ARPC3: variants seen among roughly 807,000 people sequenced by gnomAD.
The protein encoded by ARPC3 is actin related protein 2/3 complex subunit 3.
ARPC3 carries 12 observed loss-of-function variants against 27.6 expected under a neutral mutation model. The ratio of observed to expected loss-of-function variants is 0.43; its 90% confidence interval spans 0.28 to 0.70. ARPC3 has a LOEUF of 0.70. Ranked by LOEUF, ARPC3 falls within the 30% of genes least tolerant of loss-of-function variation. ARPC3 has a pLI of 0.17. For missense variants in ARPC3, 153 were observed against 207.7 expected, an observed-to-expected ratio of 0.74 and a Z score of 1.62; for synonymous variants, 53 against 67.2, an observed-to-expected ratio of 0.79 and a Z score of 1.03.
chr12:110,450,293 C>A lies in ARPC3; in HGVS notation c.-33G>T, dbSNP rs1438104862. On this transcript the variant is annotated 5_prime_UTR_variant, in exon 1 of 7. Coordinates refer to ENST00000228825, the MANE Select transcript of ARPC3 (RefSeq NM_001278556.2). Reference sequence around the variant, plus strand: ...GCGCCCGGGTTTCAACCCAGAGGAGCAGGATCCAGGTACAGCGGAGCGCTT... The same window carrying A: ...GCGCCCGGGTTTCAACCCAGAGGAGAAGGATCCAGGTACAGCGGAGCGCTT... 1.9e-6 allele frequency: 3 copies of A among 1,613,778 alleles called. No homozygotes were observed. The highest frequency in any genetic ancestry group is 1.3e-5 in the African/African-American group (1 of 74,936).
rs991493335 is a variant in ARPC3, at chr12:110,450,269, C to A, written c.-9G>T. 4 of 1,614,070 alleles carry A rather than the reference C, an allele frequency of 2.5e-6. No homozygotes were observed. The highest frequency in any genetic ancestry group is 2.2e-5 in the South Asian group (2 of 91,082). On this transcript the variant is annotated 5_prime_UTR_variant, in exon 1 of 7. Transcript: ENST00000228825. ...CGAACCCTCACCGGCATCTTGGCGG[C>A]GCCCGGGTTTCAACCCAGAGGAGCA... is the stretch of plus-strand genomic sequence containing the variant.
At chr12:110,449,377 C>T (rs1005545763) in intron 1 of ARPC3, among the ~76,000 whole-genome samples, 1 of 151,708 alleles carries the variant, frequency 6.6e-6, no homozygotes, top group Non-Finnish European at 1.5e-5. Context: ...GCCTGGCCAA[C>T]ATGGTGAAAC....
chr12:110,437,061 T>C, intron 4 of ARPC3, 23 bp downstream of exon 4: 1 of 1,518,792 alleles, frequency 6.6e-7, no homozygotes, highest in Non-Finnish European at 9.1e-7. Context: ...TTTCCTGATA[T>C]ACAATCATCC....
At chr12:110,447,239 GGT>G (rs1362650455) in intron 1 of ARPC3, among the ~76,000 whole-genome samples, 2 of 152,144 alleles carry the variant, frequency 1.3e-5, no homozygotes, top group East Asian at 3.8e-4. Flanking sequence ...TCAGTGGGTA[GGT>G]GTGTGTTAAA....
intron 2 of ARPC3, among the ~76,000 whole-genome samples, chr12:110,443,429 T>G (rs531358220): frequency 6.7e-6 from 1 of 149,566 alleles, no homozygotes; most frequent in East Asian, 2.0e-4. Flanking sequence ...CCACGCCCTA[T>G]TTTTTATTTA....
chr12:110,445,417 G>T, intron 2 of ARPC3, 35 bp downstream of exon 2: 2 of 1,479,866 alleles, frequency 1.4e-6, no homozygotes, highest in Non-Finnish European at 1.9e-6. Context: ...TAGGCATTTC[G>T]TACCAAAATT....
At chr12:110,448,440 G>C (rs887508053) in intron 1 of ARPC3, among the ~76,000 whole-genome samples, 3 of 151,990 alleles carry the variant, frequency 2.0e-5, no homozygotes, top group Non-Finnish European at 4.4e-5. Context: ...ACTTAGGGAG[G>C]GTGAGGCAGG....
chr12:110,435,279 A>C, intron 6 of ARPC3, 62 bp from the exon 7 acceptor site: 1 of 1,239,410 alleles, frequency 8.1e-7, no homozygotes, highest in Non-Finnish European at 1.2e-6. Context: ...ATTTGCATTT[A>C]TTTAATAATA....
chr12:110,440,322 T>C lies in ARPC3; in HGVS notation c.173A>G (p.Tyr58Cys). 1.2e-6 allele frequency: 2 copies of C among 1,603,490 alleles called. No homozygotes were observed. The highest frequency in any genetic ancestry group is 1.7e-6 in the Non-Finnish European group (2 of 1,170,534). Residue 58 changes from tyrosine to cysteine, a missense_variant, in exon 3 of 7, where the codon TAT becomes TGT. Tyr to Cys is a radical substitution (Grantham distance 194). Transcript: ENST00000228825. ...AGCTCCGTAATTTACCTTAATTTCATAGTTTTTGAAGAAGACATTGGCCTT... is the reference window on the plus strand; with the variant it reads ...AGCTCCGTAATTTACCTTAATTTCACAGTTTTTGAAGAAGACATTGGCCTT... ...YFKANVFFKN[Y>C]EIKNEADRTL...
Position 110,434,833 on chromosome 12 carries a change from A to C in ARPC3, c.*322T>G, listed in dbSNP as rs2062393266. 4.1e-6 allele frequency: 2 copies of C among 489,988 alleles called. No homozygotes were observed. The highest frequency in any genetic ancestry group is 7.6e-6 in the Non-Finnish European group (2 of 263,722). 30.4% of individuals were successfully genotyped at this position (489,988 alleles called of 1,614,324 possible). A position where few individuals can be genotyped will look rare whatever the true frequency, so the allele number is the denominator to read the frequency against. On this transcript the variant is annotated 3_prime_UTR_variant, in exon 7 of 7. Transcript: ENST00000228825. ...TGTACACTTTAAAAGGGCATTATGG[A>C]ATGTGAATTTTATCTCAAAACAAAT...
At position 110,449,773 on chromosome 12, in the gene ARPC3, G is replaced by A. The variant is rs555063132; in HGVS notation, c.6+482C>T. 5.9e-5 allele frequency among the ~76,000 whole-genome samples: 9 copies of A among 152,254 alleles called. No homozygotes were observed. The East Asian group carries it at 1.7e-3, about 29-fold the overall frequency. On this transcript the variant is annotated intron_variant, in intron 1 of 6. Transcript: ENST00000228825. ...GAAGTCAGGCGCCGAACGAGTCTGT[G>A]AGGGCCCTAAACCCAGCTGGCTCCG...
intron 1 of ARPC3, among the ~76,000 whole-genome samples, chr12:110,449,354 G>C (rs551282173): frequency 6.6e-6 from 1 of 151,792 alleles, no homozygotes; most frequent in Admixed American, 6.6e-5. Context: ...CTGAGGTCTG[G>C]AGTTCCAGAC....
At position 110,450,142 on chromosome 12, in the gene ARPC3, G is replaced by C. The variant is rs560019841; in HGVS notation, c.6+113C>G. On this transcript the variant is annotated intron_variant, in intron 1 of 6. Coordinates refer to ENST00000228825, the MANE Select transcript of ARPC3 (RefSeq NM_001278556.2). ...CCCTCCCCTCGCCTCCCTCCTTCTC[G>C]GGCCCCAGCTTCCTCTCTGCCTTCC... The C allele has an allele frequency of 5.1e-4, 748 of 1,473,848 alleles. 5 individuals carry two copies. The highest frequency in any genetic ancestry group is 1.7e-4 in the Middle Eastern group (1 of 5,828). 91.3% of individuals were successfully genotyped at this position (1,473,848 alleles called of 1,614,324 possible).
intron 1 of ARPC3, 41 bp downstream of exon 1, chr12:110,450,214 C>T: frequency 6.2e-7 from 1 of 1,613,684 alleles, no homozygotes; most frequent in Non-Finnish European, 8.5e-7. Flanking sequence ...CTGCTCTTCG[C>T]AATCCCCGCT....
Position 110,440,267 on chromosome 12 carries a change from C to T in ARPC3, c.183+45G>A, listed in dbSNP as rs377244660. The T allele has an allele frequency of 7.5e-5, 99 of 1,320,756 alleles. No individual in the cohort carries two copies. The African/African-American group carries it at 1.2e-3, about 16-fold the overall frequency. The allele number at this position is 1,320,756 out of a possible 1,614,324, so 81.8% of individuals were successfully genotyped here. ...ATCTGGATAGCAAGGTTGGTATTAT[C>T]CCTATGAGAAAACTAAGTTAAATAT... is the stretch of plus-strand genomic sequence containing the variant. On this transcript the variant is annotated intron_variant, in intron 3 of 6. Transcript: ENST00000228825.
chr12:110,434,828 T>C lies in ARPC3; in HGVS notation c.*327A>G. On this transcript the variant is annotated 3_prime_UTR_variant, in exon 7 of 7. Coordinates refer to ENST00000228825, the MANE Select transcript of ARPC3 (RefSeq NM_001278556.2). ...TGAATTGTACACTTTAAAAGGGCAT[T>C]ATGGAATGTGAATTTTATCTCAAAA... 1 of 473,632 alleles carries C rather than the reference T, an allele frequency of 2.1e-6. No homozygotes were observed. The highest frequency in any genetic ancestry group is 3.0e-5 in the Admixed American group (1 of 33,762). The allele number at this position is 473,632 out of a possible 1,614,324, so 29.3% of individuals were successfully genotyped here.
intron 1 of ARPC3, among the ~76,000 whole-genome samples, chr12:110,448,045 A>ATTTAT (rs1291340237): frequency 6.6e-6 from 1 of 151,442 alleles, no homozygotes; most frequent in Non-Finnish European, 1.5e-5. Context: ...CATCCAGCTA[A>ATTTAT]TTTATTTTTA....
At chr12:110,448,780 G>GC (rs997136743) in intron 1 of ARPC3, among the ~76,000 whole-genome samples, 4 of 71,326 alleles carry the variant, frequency 5.6e-5, no homozygotes, top group African/African-American at 1.9e-4. Flanking sequence ...TTTTTTTCCG[G>GC]GGGGGGGGGG....
At chr12:110,435,322 C>CA in intron 6 of ARPC3, 105 bp from the exon 7 acceptor site, 7 of 680,954 alleles carry the variant, frequency 1.0e-5, no homozygotes, top group Non-Finnish European at 1.5e-5. Flanking sequence ...CTCTTATAAA[C>CA]TTTTTTTTTT....
Sources: allele counts gnomAD v4.1 joint callset (sites outside exome capture counted in the v4.1 genomes callset), GRCh38; gene constraint gnomAD v4.1.1; transcripts MANE v1.5; gene names NCBI Gene and HGNC (gene_info 2026-07-23, HGNC 2026-07-21).